The following NMT2 variants were observed in gnomAD, a reference collection of about 807,000 sequenced individuals.
NMT2 encodes glycylpeptide N-tetradecanoyltransferase 2.
A neutral mutation model predicts 65.4 loss-of-function variants in NMT2; 35 were observed. The ratio of observed to expected loss-of-function variants is 0.54; its 90% CI spans 0.41 to 0.71. The LOEUF (loss-of-function observed/expected upper bound fraction) is 0.71, where lower values mean the gene tolerates loss of function less well. Among genes scored for constraint, NMT2 ranks in the 30% least tolerant of loss-of-function variants. NMT2 has a pLI of 0.00. For missense variants in NMT2, 489 were observed against 611.3 expected (o/e 0.80, Z 2.11); for synonymous variants, 226 against 231.8 (o/e 0.98, Z 0.23).
rs147380539 is a variant in NMT2 at position 15,138,731 on chromosome 10, T to C, written c.246+2691A>G. Among the ~76,000 whole-genome samples the C allele has an allele frequency of 5.3e-3, 813 of 152,354 alleles. 4 individuals are homozygous for C. Among genetic ancestry groups the C allele is most frequent in the African/African-American group, 0.019 (772 of 41,578 alleles). ...CAGAATATTCTGCAATGCAGTCCAC[T>C]GTAATTTACAGTGCTATCTAGAGTT... On this transcript the variant is annotated intron_variant, in intron 2 of 11. Transcript: ENST00000378165.
chr10:15,123,287 C>T (rs1366050217), intron 8 of NMT2, among the ~76,000 whole-genome samples: 1 of 152,020 alleles, frequency 6.6e-6, no homozygotes, highest in Admixed American at 6.6e-5. Context: ...TGGCTCACAC[C>T]TGTAATCTCA....
intron 8 of NMT2, among the ~76,000 whole-genome samples, chr10:15,120,098 G>C (rs1458889524): frequency 1.3e-5 from 2 of 152,190 alleles, no homozygotes; most frequent in Non-Finnish European, 2.9e-5. Context: ...TAAAAATGCA[G>C]TGTAACAACT....
In NMT2 at chr10:15,128,401, C is replaced by G. The variant is rs1292074761; in HGVS notation, c.948G>C (p.Leu316Phe). ...TTCTCTGTAAAGTCATATTTCTACT[C>G]AAGTGAGAAAATTTCACTTCTACCA... is the stretch of plus-strand genomic sequence containing the variant. The part of the protein sequence containing the change: ...RKLVEVKFSH[L>F]SRNMTLQRTM... The change falls in exon 8 of 12, where the codon TTG (leucine) becomes TTC (phenylalanine). Residue 316 changes from leucine to phenylalanine, a missense_variant. By Grantham distance (22) the Leu-to-Phe change is conservative. Coordinates refer to ENST00000378165, the MANE Select transcript of NMT2 (RefSeq NM_004808.3). 2.5e-6 allele frequency: 4 copies of G among 1,611,108 alleles called. No individual in the cohort carries two copies. Among genetic ancestry groups the G allele is most frequent in the Non-Finnish European group, 3.4e-6 (4 of 1,177,470 alleles).
intron 3 of NMT2, among the ~76,000 whole-genome samples, chr10:15,134,819 A>G (rs1034133084): frequency 1.3e-5 from 2 of 152,018 alleles, no homozygotes; most frequent in African/African-American, 4.8e-5. Context: ...CGTCTTTACA[A>G]AAAAATACAA....
intron 1 of NMT2, chr10:15,154,972 T>C (rs1832941303): frequency 1.8e-6 from 2 of 1,135,452 alleles, no homozygotes; most frequent in African/African-American, 1.5e-5. Context: ...TGGGAATCGT[T>C]TGTGTTGGGT....
At chr10:15,137,263 C>T (rs143601503) in intron 2 of NMT2, among the ~76,000 whole-genome samples, 51 of 152,188 alleles carry the variant, frequency 3.4e-4, no homozygotes, top group African/African-American at 1.2e-3. Flanking sequence ...GTTCTGAAGT[C>T]CAGCTGGAGG....
chr10:15,115,139 A>C (rs932669673), intron 9 of NMT2, among the ~76,000 whole-genome samples: 1 of 152,230 alleles, frequency 6.6e-6, no homozygotes, highest in Non-Finnish European at 1.5e-5. Context: ...ATAGAAAGGA[A>C]ATAATAAAAG....
At chr10:15,128,293 T>G in intron 8 of NMT2, 57 bp downstream of exon 8, 1 of 961,160 alleles carries the variant, frequency 1.0e-6, no homozygotes, top group Non-Finnish European at 1.7e-6. Flanking sequence ...AATTCTTTTC[T>G]GCATTAAAAG....
chr10:15,130,369 C>A, intron 6 of NMT2, 57 bp from the exon 7 acceptor site: 1 of 1,268,324 alleles, frequency 7.9e-7, no homozygotes, highest in Admixed American at 2.6e-5. Flanking sequence ...AATGAAGAGT[C>A]AACACATTTT....
intron 1 of NMT2, among the ~76,000 whole-genome samples, chr10:15,146,289 C>T (rs1289240277): frequency 2.6e-5 from 4 of 152,206 alleles, no homozygotes; most frequent in East Asian, 1.9e-4. Flanking sequence ...TGAGCACATC[C>T]AGCAAATCTC....
At chr10:15,117,796 A>ACT (rs1845793957) in intron 9 of NMT2, among the ~76,000 whole-genome samples, 2 of 152,242 alleles carry the variant, frequency 1.3e-5, no homozygotes, top group Non-Finnish European at 2.9e-5. Context: ...GCCCCAAAGA[A>ACT]AGTGAAATAT....
rs145204713 is a variant in NMT2, at chr10:15,149,961, G to A, written c.111-8404C>T. 2.6e-3 allele frequency among the ~76,000 whole-genome samples: 389 copies of A among 152,188 alleles called. 3 individuals carry two copies. Among genetic ancestry groups the A allele is most frequent in the African/African-American group, 8.8e-3 (366 of 41,506 alleles). ...GGTCTTTTGTAAACTGCCTAATTGC[G>A]ATCTTTGGACATTTTTTATTCACCT... On this transcript the variant is annotated intron_variant, in intron 1 of 11. Transcript: ENST00000378165.
chr10:15,131,700 T>C (rs1846292385), intron 6 of NMT2, among the ~76,000 whole-genome samples: 1 of 152,180 alleles, frequency 6.6e-6, no homozygotes. Context: ...TCAAATGCTT[T>C]TCACAGTAAA....
intron 1 of NMT2, among the ~76,000 whole-genome samples, chr10:15,158,307 C>A (rs1243910297): frequency 6.8e-6 from 1 of 146,076 alleles, no homozygotes; most frequent in Non-Finnish European, 1.5e-5. Flanking sequence ...CAGAGAGATA[C>A]TCTGTCTCAA....
Position 15,107,402 on chromosome 10 carries a change from A to C in NMT2, c.*1793T>G, listed in dbSNP as rs1845342129. The C allele has an allele frequency of 1.0e-6, 1 of 985,312 alleles. No homozygotes were observed. Among genetic ancestry groups the C allele is most frequent in the African/African-American group, 1.7e-5 (1 of 57,242 alleles). 61.0% of individuals were successfully genotyped at this position (985,312 alleles called of 1,614,324 possible). A position where few individuals can be genotyped will look rare whatever the true frequency, so the allele number is the denominator to read the frequency against. On this transcript the variant is annotated 3_prime_UTR_variant, in exon 12 of 12. Transcript: ENST00000378165. Reference sequence around the variant, plus strand: ...AAATGCCATCATGTCTAAAACAATTAACTTCTGCACTGAACTTCCTAGGCA... The same window carrying C: ...AAATGCCATCATGTCTAAAACAATTCACTTCTGCACTGAACTTCCTAGGCA...
intron 1 of NMT2, among the ~76,000 whole-genome samples, chr10:15,158,967 C>T (rs1345270993): frequency 2.6e-5 from 4 of 152,212 alleles, no homozygotes; most frequent in African/African-American, 9.6e-5. Flanking sequence ...GGGATTTAGG[C>T]TTCAACATAT....
intron 9 of NMT2, 54 bp from the exon 10 acceptor site, chr10:15,113,017 G>A (rs1390449566): frequency 3.3e-6 from 5 of 1,510,174 alleles, no homozygotes; most frequent in East Asian, 2.3e-5. Flanking sequence ...CTGCATACGT[G>A]CATTTCCACT....
chr10:15,139,953 A>C (rs1396310805), intron 2 of NMT2: 1 of 144,318 alleles, frequency 6.9e-6, no homozygotes, highest in Non-Finnish European at 1.5e-5. Context: ...AAAATGCTCC[A>C]ACTGGAACCT....
intron 2 of NMT2, among the ~76,000 whole-genome samples, chr10:15,139,240 A>G (rs1354615572): frequency 6.7e-6 from 1 of 149,900 alleles, no homozygotes; most frequent in Non-Finnish European, 1.5e-5. Flanking sequence ...TTAATACTTA[A>G]TAAACTCCCC....
Sources: allele counts gnomAD v4.1 joint callset (sites outside exome capture counted in the v4.1 genomes callset), GRCh38; gene constraint gnomAD v4.1.1; transcripts MANE v1.5; gene names NCBI Gene and HGNC (gene_info 2026-07-23, HGNC 2026-07-21).